The following SGCZ variants were observed in gnomAD, a reference collection of about 807,000 sequenced individuals.
SGCZ encodes sarcoglycan zeta.
In SGCZ, 40 loss-of-function variants were observed where a neutral mutation model predicts 41.3. The ratio of observed to expected loss-of-function variants is 0.97; its 90% CI spans 0.75 to 1.26. The LOEUF is 1.26. Ranked by LOEUF, SGCZ falls within the 50% of genes most tolerant of loss-of-function variation. SGCZ has a pLI of 0.00. For missense variants in SGCZ, 552 were observed against 369.8 expected (o/e 1.49, Z -4.04); for synonymous variants, 206 against 137.5 (o/e 1.50, Z -3.49).
intron 4 of SGCZ, among the ~76,000 whole-genome samples, chr8:14,195,376 T>A (rs1267334556): frequency 1.3e-5 from 2 of 151,762 alleles, no homozygotes; most frequent in Non-Finnish European, 2.9e-5. Flanking sequence ...AAAGAAAAAA[T>A]TAGAATAAAA....
intron 1 of SGCZ, among the ~76,000 whole-genome samples, chr8:15,120,978 G>T (rs1032979821): frequency 1.3e-5 from 2 of 152,164 alleles, no homozygotes; most frequent in Non-Finnish European, 2.9e-5. Context: ...CAGCCCTGCT[G>T]GGAATCCTGT....
At chr8:15,234,107 ATC>A (rs925462463) in intron 1 of SGCZ, among the ~76,000 whole-genome samples, 1 of 152,188 alleles carries the variant, frequency 6.6e-6, no homozygotes, top group Non-Finnish European at 1.5e-5. Context: ...CTATGAGTAA[ATC>A]TTACAAAAAG....
chr8:14,335,457 G>A (rs1345366413), intron 2 of SGCZ, among the ~76,000 whole-genome samples: 1 of 151,942 alleles, frequency 6.6e-6, no homozygotes, highest in East Asian at 1.9e-4. Flanking sequence ...TACAGATGCT[G>A]GTAATCACCC....
At chr8:14,176,333 T>C (rs1804540883) in intron 4 of SGCZ, among the ~76,000 whole-genome samples, 1 of 152,214 alleles carries the variant, frequency 6.6e-6, no homozygotes, top group Non-Finnish European at 1.5e-5. Flanking sequence ...GGCCACAGCA[T>C]AATTAATTTT....
chr8:15,011,683 G>T (rs1403732781), intron 1 of SGCZ, among the ~76,000 whole-genome samples: 2 of 151,948 alleles, frequency 1.3e-5, no homozygotes, highest in Admixed American at 6.6e-5. Context: ...CCCACAAAAG[G>T]TATCATTGCC....
intron 2 of SGCZ, among the ~76,000 whole-genome samples, chr8:14,450,864 A>G (rs1800573180): frequency 6.6e-6 from 1 of 152,154 alleles, no homozygotes; most frequent in African/African-American, 2.4e-5. Context: ...ATTCTCTTCA[A>G]GGATACTACA....
intron 1 of SGCZ, among the ~76,000 whole-genome samples, chr8:14,769,833 T>A (rs1004862532): frequency 8.7e-6 from 1 of 115,046 alleles, no homozygotes; most frequent in South Asian, 2.9e-4. Context: ...ACAAAATACT[T>A]CAATGGCTCC....
intron 3 of SGCZ, among the ~76,000 whole-genome samples, chr8:14,253,356 ATAT>A (rs1417321169): frequency 3.3e-5 from 5 of 152,056 alleles, no homozygotes; most frequent in Middle Eastern, 3.2e-3. Flanking sequence ...CAACTGTAAT[ATAT>A]TATTATAAGA....
At chr8:14,897,009 C>G (rs1185053885) in intron 1 of SGCZ, among the ~76,000 whole-genome samples, 1 of 151,294 alleles carries the variant, frequency 6.6e-6, no homozygotes, top group African/African-American at 2.4e-5. Context: ...GTCTCGAACT[C>G]CTGACCTCAT....
intron 1 of SGCZ, among the ~76,000 whole-genome samples, chr8:14,910,828 A>G (rs1322131442): frequency 6.6e-6 from 1 of 151,942 alleles, no homozygotes; most frequent in African/African-American, 2.4e-5. Flanking sequence ...TTGTACATTC[A>G]TATTCTTATT....
rs145112273 is a variant in SGCZ, at chr8:14,198,381, G to A, written c.425-33679C>T. Among the ~76,000 whole-genome samples, 118 of 152,296 alleles carry A rather than the reference G, an allele frequency of 7.7e-4. 1 individual carries two copies. The highest frequency in any genetic ancestry group is 1.2e-4 in the Non-Finnish European group (8 of 68,036). ...AAGCTGGCAGTTTGGTTCTGCCAAA[G>A]AGAGGTGTTAAAGTGCTTATTTTAA... is the stretch of plus-strand genomic sequence containing the variant. On this transcript the variant is annotated intron_variant, in intron 4 of 7. Coordinates refer to ENST00000382080, the MANE Select transcript of SGCZ (RefSeq NM_139167.4).
chr8:15,095,848 G>A (rs76128939), intron 1 of SGCZ, among the ~76,000 whole-genome samples: 32 of 152,086 alleles, frequency 2.1e-4, no homozygotes, highest in East Asian at 7.8e-4. Context: ...TTATGTTCCC[G>A]GTAAAACTCA....
intron 1 of SGCZ, among the ~76,000 whole-genome samples, chr8:14,814,236 T>G (rs1801826444): frequency 6.6e-6 from 1 of 152,162 alleles, no homozygotes; most frequent in Non-Finnish European, 1.5e-5. Context: ...TGCGTTATTT[T>G]AAAAGCCTTA....
chr8:14,216,770 G>A (rs1331634779), intron 4 of SGCZ, among the ~76,000 whole-genome samples: 1 of 152,064 alleles, frequency 6.6e-6, no homozygotes, highest in Non-Finnish European at 1.5e-5. Context: ...CATCAGAATG[G>A]TGAAAGACTA....
chr8:14,822,592 T>C (rs959513095), intron 1 of SGCZ, among the ~76,000 whole-genome samples: 2 of 152,056 alleles, frequency 1.3e-5, no homozygotes, highest in Admixed American at 6.6e-5. Flanking sequence ...TACAAAGCTA[T>C]AGAAACCAAA....
chr8:14,647,849 G>T (rs1201268322), intron 1 of SGCZ, among the ~76,000 whole-genome samples: 1 of 152,014 alleles, frequency 6.6e-6, no homozygotes, highest in African/African-American at 2.4e-5. Context: ...TCTGTAAGTT[G>T]AAGTTATTGA....
At chr8:14,972,846 T>C (rs2130866951) in intron 1 of SGCZ, among the ~76,000 whole-genome samples, 1 of 152,328 alleles carries the variant, frequency 6.6e-6, no homozygotes, top group East Asian at 1.9e-4. Flanking sequence ...AATTCTACTC[T>C]ACATTACTAA....
intron 7 of SGCZ, among the ~76,000 whole-genome samples, chr8:14,095,104 T>G (rs1042119574): frequency 6.6e-6 from 1 of 152,216 alleles, no homozygotes; most frequent in Non-Finnish European, 1.5e-5. Context: ...TAGTTTCTTT[T>G]GCTCTGAAGA....
At chr8:14,638,519 C>T (rs1806910514) in intron 1 of SGCZ, among the ~76,000 whole-genome samples, 1 of 151,850 alleles carries the variant, frequency 6.6e-6, no homozygotes, top group African/African-American at 2.4e-5. Context: ...CTCCTTACCT[C>T]CTGCAAGACA....
Sources: allele counts gnomAD v4.1 joint callset (sites outside exome capture counted in the v4.1 genomes callset), GRCh38; gene constraint gnomAD v4.1.1; transcripts MANE v1.5; gene names NCBI Gene and HGNC (gene_info 2026-07-23, HGNC 2026-07-21).